Variants in ZNF551 observed in about 807,000 individuals in gnomAD.
ZNF551 encodes the protein KOX 23 protein (56 AA).
In ZNF551, 5 loss-of-function variants were observed where a neutral mutation model predicts 7.9. The ratio of observed to expected loss-of-function variants is 0.63; its 90% CI spans 0.33 to 1.33. ZNF551 has a LOEUF of 1.33. ZNF551 is among the 40% of genes most tolerant of loss of function. The pLI is 0.05. For missense variants in ZNF551, 788 were observed against 825.2 expected (o/e 0.95, Z 0.55); for synonymous variants, 287 against 277.3 (o/e 1.03, Z -0.35).
chr19:57,682,097 C>G lies in ZNF551; in HGVS notation c.-67C>G. 2 of 1,494,554 alleles carry G rather than the reference C, an allele frequency of 1.3e-6. No homozygotes were observed. The highest frequency in any genetic ancestry group is 1.8e-6 in the Non-Finnish European group (2 of 1,111,098). 92.6% of individuals were successfully genotyped at this position (1,494,554 alleles called of 1,614,324 possible). A position where few individuals can be genotyped will look rare whatever the true frequency, so the allele number is the denominator to read the frequency against. On this transcript the variant is annotated 5_prime_UTR_variant, in exon 1 of 3. Coordinates refer to ENST00000282296, the MANE Select transcript of ZNF551 (RefSeq NM_138347.5). The stretch of plus-strand genomic sequence containing the variant: ...GGGACAGAGAAGTCGCGAAAGTGGG[C>G]CAGAGGTTCTGCGACACCACCTCGG...
Position 57,682,014 on chromosome 19 carries a change from C to G in ZNF551, c.-150C>G, listed in dbSNP as rs921414641. ...GTCCTCCTCGTGGCGGTCATTTTGG[C>G]CTCTGTCCTGTTTGTCCAGCCCGCC... On this transcript the variant is annotated 5_prime_UTR_variant, in exon 1 of 3. Transcript: ENST00000282296. The G allele has an allele frequency of 1.2e-6, 1 of 800,982 alleles. No individual in the cohort carries two copies. Among genetic ancestry groups the G allele is most frequent in the South Asian group, 1.8e-5 (1 of 55,012 alleles). The allele number at this position is 800,982 out of a possible 1,614,324, so 49.6% of individuals were successfully genotyped here. A position where few individuals can be genotyped will look rare whatever the true frequency, so the allele number is the denominator to read the frequency against.
rs1167256157 is a variant in ZNF551 at position 57,690,645 on chromosome 19, T to C, written c.*2357T>C. On this transcript the variant is annotated 3_prime_UTR_variant, in exon 3 of 3. Transcript: ENST00000282296. Reference sequence around the variant, plus strand: ...TACAAATAAAGCTGCTGTAAATACTTGAATTCATTTCTTTATATGGATATG... The same window carrying C: ...TACAAATAAAGCTGCTGTAAATACTCGAATTCATTTCTTTATATGGATATG... 7.6e-6 allele frequency: 1 copy of C among 132,306 alleles called. No homozygotes were observed. The highest frequency in any genetic ancestry group is 2.1e-4 in the East Asian group (1 of 4,716). 8.2% of individuals were successfully genotyped at this position (132,306 alleles called of 1,614,324 possible).
intron 2 of ZNF551, 98 bp downstream of exon 2, chr19:57,685,483 TTTC>T (rs570943651): frequency 1.6e-5 from 25 of 1,575,952 alleles, no homozygotes; most frequent in Non-Finnish European, 2.2e-5. Context: ...GGATCTTATT[TTTC>T]TTGTCTTCCC....
chr19:57,682,742 A>G (rs1031997768), intron 1 of ZNF551, among the ~76,000 whole-genome samples: 1 of 152,042 alleles, frequency 6.6e-6, no homozygotes, highest in African/African-American at 2.4e-5. Context: ...GAGATAGTGC[A>G]GCCAGCCCAG....
chr19:57,683,680 C>T (rs2122327730), intron 1 of ZNF551, among the ~76,000 whole-genome samples: 1 of 152,206 alleles, frequency 6.6e-6, no homozygotes, highest in African/African-American at 2.4e-5. Flanking sequence ...AAGGACAGGT[C>T]TCCTGTGTGA....
rs1255904300 is a variant in ZNF551, at chr19:57,682,197, A to C, written c.34A>C (p.Ser12Arg). The C allele has an allele frequency of 9.7e-6, 15 of 1,550,192 alleles. No homozygotes were observed. The highest frequency in any genetic ancestry group is 1.3e-5 in the Non-Finnish European group (15 of 1,146,918). Residue 12 changes from serine to arginine, a missense_variant, in exon 1 of 3, where the codon AGT becomes CGT. Coordinates refer to ENST00000282296, the MANE Select transcript of ZNF551 (RefSeq NM_138347.5). ...CCCGGTCGGCCGCCGCTCCCCGCCT[A>C]GTCCACGGAGCTCAATGGCGGCAGT... Reference protein sequence around the residue: ...PAPVGRRSPPSPRSSMAAVAL... With the variant: ...PAPVGRRSPPRPRSSMAAVAL...
At chr19:57,683,889 T>C (rs995686617) in intron 1 of ZNF551, among the ~76,000 whole-genome samples, 3 of 151,840 alleles carry the variant, frequency 2.0e-5, no homozygotes, top group Non-Finnish European at 4.4e-5. Flanking sequence ...CTGACCAGGG[T>C]TTTATATTAA....
At chr19:57,682,685 T>A (rs1984428104) in intron 1 of ZNF551, among the ~76,000 whole-genome samples, 1 of 152,104 alleles carries the variant, frequency 6.6e-6, no homozygotes, top group Non-Finnish European at 1.5e-5. Context: ...TGAGTTCTTG[T>A]CCAAGCTCAC....
intron 1 of ZNF551, among the ~76,000 whole-genome samples, chr19:57,682,610 A>G (rs1008882301): frequency 1.2e-4 from 18 of 152,230 alleles, no homozygotes; most frequent in Non-Finnish European, 2.6e-4. Flanking sequence ...TCCTAAAGCT[A>G]TCCAAAAGTT....
intron 1 of ZNF551, 132 bp downstream of exon 1, chr19:57,682,376 C>G (rs569258581): frequency 2.0e-6 from 2 of 982,052 alleles, no homozygotes; most frequent in South Asian, 1.7e-5. Flanking sequence ...GTGGATTGGA[C>G]CCGTTTGTGA....
In ZNF551 at chr19:57,687,530, T is replaced by C; in HGVS notation, c.1255T>C (p.Tyr419His). The C allele has an allele frequency of 6.2e-7, 1 of 1,614,220 alleles. No individual in the cohort carries two copies. Among genetic ancestry groups the C allele is most frequent in the Non-Finnish European group, 8.5e-7 (1 of 1,180,022 alleles). The change falls in exon 3 of 3, where the codon TAT (tyrosine) becomes CAT (histidine). Residue 419 changes from tyrosine to histidine, a missense_variant. By Grantham distance (83) the Tyr-to-His change is moderately conservative. Coordinates refer to ENST00000282296, the MANE Select transcript of ZNF551 (RefSeq NM_138347.5). The stretch of plus-strand genomic sequence containing the variant: ...AAGAGTTCACACTGGAGAAATGCCT[T>C]ATCAGTGCAGTGATTGTGGGAAATC... ...HRRVHTGEMP[Y>H]QCSDCGKSFS... is the part of the protein sequence containing the mutation.
rs1286148171 is a variant in ZNF551 at position 57,686,698 on chromosome 19, C to G, written c.423C>G (p.Phe141Leu). Reference sequence around the variant, plus strand: ...TGGGTAGCACAAGCATGAGAGGCTTCTGCTTCAGTGCTGACCTTCACCAGC... The same window carrying G: ...TGGGTAGCACAAGCATGAGAGGCTTGTGCTTCAGTGCTGACCTTCACCAGC... ...SYLGSTSMRG[F>L]CFSADLHQHQ... The change falls in exon 3 of 3, where the codon TTC becomes TTG. Residue 141 changes from phenylalanine to leucine, a missense_variant. Transcript: ENST00000282296. 2.5e-6 allele frequency: 4 copies of G among 1,614,228 alleles called. No homozygotes were observed. The South Asian group carries it at 4.4e-5, about 18-fold the overall frequency.
Position 57,687,448 on chromosome 19 carries a change from T to C in ZNF551, c.1173T>C (p.Tyr391=). 1 of 1,614,172 alleles carries C rather than the reference T, an allele frequency of 6.2e-7. No homozygotes were observed. The highest frequency in any genetic ancestry group is 8.5e-7 in the Non-Finnish European group (1 of 1,180,024). Residue 391 remains tyrosine, a synonymous_variant, in exon 3 of 3, where the codon TAT becomes TAC. Transcript: ENST00000282296. ...HQRVHSGERP[Y]QCCECGKSFR... ...GAGTTCACTCTGGAGAAAGGCCTTA[T>C]CAGTGCTGTGAGTGTGGGAAATCCT...
At chr19:57,682,830 CTT>C (rs773473641) in intron 1 of ZNF551, among the ~76,000 whole-genome samples, 1 of 152,148 alleles carries the variant, frequency 6.6e-6, no homozygotes, top group Admixed American at 6.5e-5. Context: ...GGCCCTGAGA[CTT>C]TGAGCAAATA....
chr19:57,685,716 C>T (rs1470713847), intron 2 of ZNF551, among the ~76,000 whole-genome samples: 3 of 152,192 alleles, frequency 2.0e-5, no homozygotes, highest in Admixed American at 2.0e-4. Flanking sequence ...TTAAGACTTA[C>T]ATCATTCATG....
rs1984402360 is a variant in ZNF551, at chr19:57,682,135, A to T, written c.-29A>T. ...GACACCACCTCGGGTGAGCTGCGCC[A>T]GGCCCGGGATAGGGACTGTTGTGTT... On this transcript the variant is annotated 5_prime_UTR_variant, in exon 1 of 3. Transcript: ENST00000282296. The T allele has an allele frequency of 1.3e-6, 2 of 1,537,914 alleles. No homozygotes were observed. The highest frequency in any genetic ancestry group is 4.0e-5 in the Admixed American group (2 of 50,572).
At chr19:57,684,808 G>C (rs1339713635) in intron 1 of ZNF551, among the ~76,000 whole-genome samples, 1 of 152,158 alleles carries the variant, frequency 6.6e-6, no homozygotes, top group Non-Finnish European at 1.5e-5. Flanking sequence ...GACAGGTGTG[G>C]TTCAAAGAGT....
chr19:57,682,361 C>T (rs773638651), intron 1 of ZNF551, 117 bp downstream of exon 1: 12 of 1,143,900 alleles, frequency 1.0e-5, no homozygotes, highest in Non-Finnish European at 1.4e-5. Flanking sequence ...GACAAGAAGG[C>T]GCTTGTGGAT....
rs1434480550 is a variant in ZNF551, at chr19:57,688,564, A to G, written c.*276A>G. On this transcript the variant is annotated 3_prime_UTR_variant, in exon 3 of 3. Transcript: ENST00000282296. ...CACCATGTGCATGAGTCACTTCCCC[A>G]CAGTGCTCAGAGAAGCAAACCTCTG... is the stretch of plus-strand genomic sequence containing the variant. The G allele has an allele frequency of 2.1e-6, 1 of 471,846 alleles. No individual in the cohort carries two copies. Among genetic ancestry groups the G allele is most frequent in the Non-Finnish European group, 3.8e-6 (1 of 261,532 alleles). The allele number at this position is 471,846 out of a possible 1,614,324, so 29.2% of individuals were successfully genotyped here.
Sources: allele counts gnomAD v4.1 joint callset (sites outside exome capture counted in the v4.1 genomes callset), GRCh38; gene constraint gnomAD v4.1.1; transcripts MANE v1.5; gene names NCBI Gene and HGNC (gene_info 2026-07-23, HGNC 2026-07-21).